Variants in SORCS3 observed in about 807,000 individuals in gnomAD.
SORCS3 encodes VPS10 domain-containing receptor SorCS3.
SORCS3 carries 57 observed loss-of-function variants against 146.3 expected under a neutral mutation model. The observed-to-expected ratio is 0.39, with a 90% confidence interval of 0.31 to 0.49. The LOEUF is 0.49. Ranked by LOEUF, SORCS3 falls within the 20% of genes least tolerant of loss-of-function variation. The pLI is 0.92. For missense variants in SORCS3, 1,341 were observed against 1,575.5 expected (o/e 0.85, Z 2.52); for synonymous variants, 653 against 618.5 (o/e 1.06, Z -0.83).
At chr10:104,860,493 A>G (rs2018388401) in intron 2 of SORCS3, among the ~76,000 whole-genome samples, 2 of 149,448 alleles carry the variant, frequency 1.3e-5, no homozygotes, top group African/African-American at 2.5e-5. Flanking sequence ...TGGGTGCAGC[A>G]CACCAGCATG....
intron 4 of SORCS3, among the ~76,000 whole-genome samples, chr10:105,007,770 G>A (rs772155844): frequency 3.3e-5 from 5 of 152,112 alleles, no homozygotes; most frequent in Admixed American, 6.5e-5. Flanking sequence ...TAGGTACCAA[G>A]CAGGGTTGTT....
At chr10:105,109,590 C>G (rs79699572) in intron 7 of SORCS3, among the ~76,000 whole-genome samples, 2,378 of 152,128 alleles carry the variant, frequency 0.016, 32 homozygotes, top group Non-Finnish European at 0.026. Context: ...ATTTTAATAT[C>G]ATTTCTCAGG....
At chr10:104,873,449 T>TATAA (rs1162674440) in intron 2 of SORCS3, among the ~76,000 whole-genome samples, 1 of 152,230 alleles carries the variant, frequency 6.6e-6, no homozygotes, top group African/African-American at 2.4e-5. Flanking sequence ...CAGCCCCATT[T>TATAA]AGCTTTGAGC....
chr10:104,748,521 G>A (rs1269024773), intron 1 of SORCS3, among the ~76,000 whole-genome samples: 1 of 152,126 alleles, frequency 6.6e-6, no homozygotes, highest in Non-Finnish European at 1.5e-5. Context: ...CCTCAAAATG[G>A]TAGGGATCAG....
intron 4 of SORCS3, among the ~76,000 whole-genome samples, chr10:104,982,027 G>C (rs939579370): frequency 6.6e-6 from 1 of 152,118 alleles, no homozygotes; most frequent in Non-Finnish European, 1.5e-5. Context: ...ACATAATGAA[G>C]GGTTGCTGTT....
chr10:104,783,731 AAG>A (rs1166739496), intron 1 of SORCS3, among the ~76,000 whole-genome samples: 3 of 151,916 alleles, frequency 2.0e-5, no homozygotes, highest in Non-Finnish European at 4.4e-5. Flanking sequence ...CGTCTCAAAA[AAG>A]AGAGAGAGAG....
chr10:105,242,383 T>TAC (rs1185359893), intron 20 of SORCS3, among the ~76,000 whole-genome samples: 6 of 114,760 alleles, frequency 5.2e-5, no homozygotes, highest in Admixed American at 1.1e-4. Flanking sequence ...CATATATTTA[T>TAC]ATATATTTAT....
intron 5 of SORCS3, among the ~76,000 whole-genome samples, chr10:105,052,848 A>G (rs2055422455): frequency 6.6e-6 from 1 of 152,008 alleles, no homozygotes; most frequent in Admixed American, 6.6e-5. Context: ...CGGAGGAGAA[A>G]CCATCCTTTC....
chr10:105,041,491 A>T (rs1032117683), intron 4 of SORCS3, among the ~76,000 whole-genome samples: 21 of 147,062 alleles, frequency 1.4e-4, no homozygotes, highest in African/African-American at 5.3e-4. Flanking sequence ...CTATATATAC[A>T]TATATACCTA....
chr10:105,116,769 C>A (rs1381598712), intron 7 of SORCS3, among the ~76,000 whole-genome samples: 1 of 152,094 alleles, frequency 6.6e-6, no homozygotes, highest in Non-Finnish European at 1.5e-5. Flanking sequence ...TTATCCTAAG[C>A]AAACTAACAC....
intron 8 of SORCS3, among the ~76,000 whole-genome samples, chr10:105,142,355 T>C (rs1480934348): frequency 6.6e-6 from 1 of 152,188 alleles, no homozygotes; most frequent in Non-Finnish European, 1.5e-5. Flanking sequence ...TCTCTCCATA[T>C]GACTTGACAA....
rs117316356 is a variant in SORCS3 at position 105,167,786 on chromosome 10, C to T, written c.1901+437C>T. 6.5e-3 allele frequency among the ~76,000 whole-genome samples: 996 copies of T among 152,186 alleles called. 29 individuals carry two copies. Among genetic ancestry groups the T allele is most frequent in the Admixed American group, 0.048 (738 of 15,270 alleles). ...TTGTCAGATATATTCATCTGAAGTT[C>T]GGGAATGGTCTAGGCTGACACTTTA... On this transcript the variant is annotated intron_variant, in intron 13 of 26. Transcript: ENST00000369701.
intron 4 of SORCS3, among the ~76,000 whole-genome samples, chr10:105,002,922 A>G (rs2055070869): frequency 6.6e-6 from 1 of 152,200 alleles, no homozygotes; most frequent in Middle Eastern, 3.2e-3. Context: ...TCCAGGCACC[A>G]TTGTATTGGC....
intron 4 of SORCS3, among the ~76,000 whole-genome samples, chr10:105,004,014 T>TTTTTTTTTTTTTA (rs2055078247): frequency 6.6e-6 from 1 of 151,290 alleles, no homozygotes; most frequent in African/African-American, 2.4e-5. Flanking sequence ...TTTTTTTTTT[T>TTTTTTTTTTTTTA]ACCAGAGAAG....
intron 20 of SORCS3, among the ~76,000 whole-genome samples, chr10:105,245,213 A>C (rs1319433312): frequency 6.6e-6 from 1 of 152,154 alleles, no homozygotes; most frequent in Non-Finnish European, 1.5e-5. Context: ...GAGAAGGGAA[A>C]TGATCTCCTA....
intron 10 of SORCS3, 143 bp downstream of exon 10, chr10:105,157,427 G>A (rs2056220854): frequency 1.1e-6 from 1 of 934,630 alleles, no homozygotes; most frequent in Non-Finnish European, 1.6e-6. Flanking sequence ...GGGCATTGGT[G>A]TGTGGACTCA....
At chr10:104,725,987 A>T (rs2016626586) in intron 1 of SORCS3, among the ~76,000 whole-genome samples, 1 of 152,034 alleles carries the variant, frequency 6.6e-6, no homozygotes, top group African/African-American at 2.4e-5. Context: ...ACTGTCCTGT[A>T]CCCACTGTCC....
At chr10:104,698,565 A>G (rs1589462929) in intron 1 of SORCS3, among the ~76,000 whole-genome samples, 1 of 152,280 alleles carries the variant, frequency 6.6e-6, no homozygotes, top group East Asian at 1.9e-4. Flanking sequence ...ACAAATATGC[A>G]TTTAAGGATG....
intron 1 of SORCS3, among the ~76,000 whole-genome samples, chr10:104,655,722 G>T (rs182500493): frequency 1.3e-5 from 2 of 152,144 alleles, no homozygotes. Flanking sequence ...CCTTGTGACA[G>T]TGAGTGAGTT....
Sources: allele counts gnomAD v4.1 joint callset (sites outside exome capture counted in the v4.1 genomes callset), GRCh38; gene constraint gnomAD v4.1.1; transcripts MANE v1.5; gene names NCBI Gene and HGNC (gene_info 2026-07-23, HGNC 2026-07-21).